Variants in PPM1H observed in about 807,000 individuals in gnomAD.
PPM1H encodes the protein protein phosphatase 1H.
In PPM1H, 27 loss-of-function variants were observed where a neutral mutation model predicts 54.9. That is an observed-to-expected ratio of 0.49 (90% CI 0.36 to 0.68). The LOEUF is 0.68. PPM1H is among the 30% of genes least tolerant of loss of function. The pLI, the probability that PPM1H is intolerant of heterozygous loss-of-function variation, is 0.00. For synonymous variants in PPM1H, 305 were observed against 270.8 expected, an observed-to-expected ratio of 1.13 and a Z score of -1.24; for missense variants, 596 against 667.8, an observed-to-expected ratio of 0.89 and a Z score of 1.19.
chr12:62,930,562 T>G (rs1872100384), intron 1 of PPM1H, among the ~76,000 whole-genome samples: 1 of 152,122 alleles, frequency 6.6e-6, no homozygotes, highest in Non-Finnish European at 1.5e-5. Context: ...TAAGACCAAC[T>G]GTTTCATCAA....
chr12:62,658,795 G>A, intron 9 of PPM1H: 1 of 468,120 alleles, frequency 2.1e-6, no homozygotes, highest in Non-Finnish European at 4.0e-6. Context: ...AAGAAAGAAA[G>A]AGGGGCCATC....
At chr12:62,888,779 C>A (rs148849398) in intron 1 of PPM1H, among the ~76,000 whole-genome samples, 1 of 152,282 alleles carries the variant, frequency 6.6e-6, no homozygotes, top group East Asian at 1.9e-4. Context: ...AGCAACTTTA[C>A]AGGCATTTAC....
At chr12:62,922,460 T>C (rs1379108328) in intron 1 of PPM1H, among the ~76,000 whole-genome samples, 1 of 152,168 alleles carries the variant, frequency 6.6e-6, no homozygotes, top group Non-Finnish European at 1.5e-5. Context: ...TTCATTTTCC[T>C]CTTTTATTGA....
At chr12:62,932,262 C>T (rs1326678423) in intron 1 of PPM1H, among the ~76,000 whole-genome samples, 3 of 151,988 alleles carry the variant, frequency 2.0e-5, no homozygotes, top group Admixed American at 1.3e-4. Context: ...AATGGAGGCC[C>T]AGAGAGGATG....
chr12:62,722,311 A>G (rs770321788), intron 5 of PPM1H, among the ~76,000 whole-genome samples: 2 of 152,168 alleles, frequency 1.3e-5, no homozygotes, highest in African/African-American at 4.8e-5. Flanking sequence ...AGGGGTTACC[A>G]TGTGCCAGCC....
intron 8 of PPM1H, among the ~76,000 whole-genome samples, chr12:62,684,701 T>C (rs2076041942): frequency 6.6e-6 from 1 of 152,120 alleles, no homozygotes; most frequent in African/African-American, 2.4e-5. Context: ...GATCCACGCC[T>C]GGCAAAGACA....
At chr12:62,867,579 T>A (rs1869825134) in intron 1 of PPM1H, among the ~76,000 whole-genome samples, 1 of 111,250 alleles carries the variant, frequency 9.0e-6, no homozygotes, top group African/African-American at 4.5e-5. Flanking sequence ...TTTTTTTTTT[T>A]TTTTTTTTTT....
At chr12:62,874,826 T>C (rs1313706193) in intron 1 of PPM1H, among the ~76,000 whole-genome samples, 1 of 152,254 alleles carries the variant, frequency 6.6e-6, no homozygotes, top group Admixed American at 6.5e-5. Flanking sequence ...TTTATGTTAA[T>C]GTAAGAATGA....
At chr12:62,911,559 T>C (rs1871461255) in intron 1 of PPM1H, among the ~76,000 whole-genome samples, 1 of 152,230 alleles carries the variant, frequency 6.6e-6, no homozygotes, top group South Asian at 2.1e-4. Context: ...CCAGCTCCTC[T>C]TGAGCCTCAT....
chr12:62,735,945 G>A (rs1446177196), intron 5 of PPM1H, among the ~76,000 whole-genome samples: 1 of 152,204 alleles, frequency 6.6e-6, no homozygotes, highest in Non-Finnish European at 1.5e-5. Flanking sequence ...GGGATGCCTG[G>A]TGGCAGTGGT....
chr12:62,904,633 C>T (rs1871254419), intron 1 of PPM1H, among the ~76,000 whole-genome samples: 1 of 152,024 alleles, frequency 6.6e-6, no homozygotes, highest in Non-Finnish European at 1.5e-5. Context: ...TGTCAGATGC[C>T]AGGCAATGAA....
chr12:62,785,807 G>T (rs1218542926), intron 4 of PPM1H, among the ~76,000 whole-genome samples: 1 of 151,266 alleles, frequency 6.6e-6, no homozygotes, highest in Non-Finnish European at 1.5e-5. Context: ...TGGCTAGGTA[G>T]GTGGCTCTTT....
chr12:62,650,493 A>ATATC (rs2075809619), intron 9 of PPM1H, among the ~76,000 whole-genome samples: 1 of 152,184 alleles, frequency 6.6e-6, no homozygotes, highest in East Asian at 1.9e-4. Flanking sequence ...AGCTAAGTAA[A>ATATC]TATCTGAAAA....
intron 1 of PPM1H, among the ~76,000 whole-genome samples, chr12:62,925,296 AG>A (rs1871939616): frequency 6.6e-6 from 1 of 152,118 alleles, no homozygotes; most frequent in Non-Finnish European, 1.5e-5. Context: ...AACAGGGAGC[AG>A]GTGGGGTACA....
At chr12:62,928,600 C>A (rs1363228369) in intron 1 of PPM1H, among the ~76,000 whole-genome samples, 2 of 152,186 alleles carry the variant, frequency 1.3e-5, no homozygotes, top group Admixed American at 6.5e-5. Context: ...TTGAGTCAGG[C>A]CTCTCTTCTC....
At chr12:62,744,489 G>A (rs1400658499) in intron 4 of PPM1H, among the ~76,000 whole-genome samples, 1 of 149,388 alleles carries the variant, frequency 6.7e-6, no homozygotes, top group Admixed American at 6.6e-5. Flanking sequence ...AAAAAAAAAG[G>A]AGTGAAATTC....
At chr12:62,890,825 G>A (rs1038059111) in intron 1 of PPM1H, among the ~76,000 whole-genome samples, 3 of 151,638 alleles carry the variant, frequency 2.0e-5, no homozygotes, top group Non-Finnish European at 4.4e-5. Context: ...TTGACTGTTT[G>A]AAGGCCAGGC....
intron 1 of PPM1H, among the ~76,000 whole-genome samples, chr12:62,835,275 G>T (rs141189605): frequency 6.6e-6 from 1 of 152,172 alleles, no homozygotes; most frequent in African/African-American, 2.4e-5. Flanking sequence ...AAACTCCAAA[G>T]TTGACCTAAC....
chr12:62,743,520 T>A (rs944474449), intron 4 of PPM1H, among the ~76,000 whole-genome samples: 19 of 152,224 alleles, frequency 1.2e-4, no homozygotes, highest in African/African-American at 4.6e-4. Flanking sequence ...AAAACACATA[T>A]CTTTATTCCC....
Sources: allele counts gnomAD v4.1 joint callset (sites outside exome capture counted in the v4.1 genomes callset), GRCh38; gene constraint gnomAD v4.1.1; transcripts MANE v1.5; gene names NCBI Gene and HGNC (gene_info 2026-07-23, HGNC 2026-07-21).